Variants in ANKS1B observed in about 807,000 individuals in gnomAD.
ANKS1B encodes the protein ankyrin repeat and sterile alpha motif domain-containing protein 1B.
In ANKS1B, 36 loss-of-function variants were observed where a neutral mutation model predicts 148.3. The observed-to-expected ratio is 0.24, with a 90% CI of 0.19 to 0.32. The LOEUF is 0.32. ANKS1B is among the 10% of genes least tolerant of loss of function. The probability of loss-of-function intolerance (pLI) is 1.00; values close to 1 mark genes in which losing one functional copy is unlikely to be tolerated. For missense variants in ANKS1B, 1,157 were observed against 1,542.6 expected (o/e 0.75, Z 4.19); for synonymous variants, 542 against 560.8 (o/e 0.97, Z 0.47).
At chr12:98,903,035 T>G (rs1229174773) in intron 17 of ANKS1B, among the ~76,000 whole-genome samples, 1 of 152,170 alleles carries the variant, frequency 6.6e-6, no homozygotes, top group Non-Finnish European at 1.5e-5. Context: ...GACAAAATAG[T>G]CTCTCATTTG....
chr12:99,213,518 A>G (rs980933552), intron 14 of ANKS1B, among the ~76,000 whole-genome samples: 4 of 152,176 alleles, frequency 2.6e-5, no homozygotes, highest in Admixed American at 6.5e-5. Flanking sequence ...ACGTGTCTAA[A>G]GCAGATTACC....
chr12:98,850,244 TC>T (rs1167768995), intron 17 of ANKS1B, among the ~76,000 whole-genome samples: 1 of 152,236 alleles, frequency 6.6e-6, no homozygotes, highest in African/African-American at 2.4e-5. Context: ...TTGCCGTACT[TC>T]CTGGTCTATT....
chr12:99,390,771 G>T (rs2094034784), intron 12 of ANKS1B, among the ~76,000 whole-genome samples: 2 of 152,298 alleles, frequency 1.3e-5, no homozygotes, highest in East Asian at 1.9e-4. Context: ...AGACCCAGAG[G>T]TACCTGGAGC....
intron 17 of ANKS1B, among the ~76,000 whole-genome samples, chr12:99,041,770 A>T (rs963132942): frequency 6.6e-6 from 1 of 152,258 alleles, no homozygotes; most frequent in South Asian, 2.1e-4. Flanking sequence ...GGATGCCTAC[A>T]TAGGAGGATC....
intron 8 of ANKS1B, among the ~76,000 whole-genome samples, chr12:99,659,067 A>T (rs536078088): frequency 6.6e-6 from 1 of 152,296 alleles, no homozygotes; most frequent in African/African-American, 2.4e-5. Flanking sequence ...TTGTATCACA[A>T]ATATCAAGAT....
intron 9 of ANKS1B, among the ~76,000 whole-genome samples, chr12:99,569,942 G>C (rs1269553431): frequency 6.6e-6 from 1 of 152,110 alleles, no homozygotes; most frequent in Non-Finnish European, 1.5e-5. Context: ...AGTTTACCAG[G>C]GAACACTATC....
intron 9 of ANKS1B, among the ~76,000 whole-genome samples, chr12:99,561,141 C>A (rs140315578): frequency 6.6e-6 from 1 of 152,088 alleles, no homozygotes; most frequent in South Asian, 2.1e-4. Context: ...CCAGTGCGCC[C>A]GGCCGGCAAT....
intron 17 of ANKS1B, among the ~76,000 whole-genome samples, chr12:98,923,714 A>ACTGG: frequency 6.6e-6 from 1 of 152,136 alleles, no homozygotes; most frequent in East Asian, 1.9e-4. Flanking sequence ...AAAAATAAAG[A>ACTGG]ATTCTCCACC....
intron 15 of ANKS1B, among the ~76,000 whole-genome samples, chr12:99,110,087 A>C (rs948681399): frequency 2.0e-5 from 3 of 152,218 alleles, no homozygotes. Context: ...GGCCCAGAGT[A>C]GATGCCCACA....
At chr12:99,139,760 G>A (rs2069928160) in intron 15 of ANKS1B, among the ~76,000 whole-genome samples, 1 of 151,832 alleles carries the variant, frequency 6.6e-6, no homozygotes, top group Non-Finnish European at 1.5e-5. Context: ...GCTCTTTGTA[G>A]TTTCTACCAC....
intron 14 of ANKS1B, among the ~76,000 whole-genome samples, chr12:99,185,579 G>A (rs192332106): frequency 1.3e-5 from 2 of 152,296 alleles, no homozygotes; most frequent in African/African-American, 4.8e-5. Flanking sequence ...GACAGTGGGT[G>A]CAGCCCATGG....
At chr12:99,890,953 A>G (rs1341360845) in intron 1 of ANKS1B, among the ~76,000 whole-genome samples, 2 of 152,228 alleles carry the variant, frequency 1.3e-5, no homozygotes, top group Admixed American at 1.3e-4. Flanking sequence ...TTAAAAATAC[A>G]GTGCCCACCA....
intron 10 of ANKS1B, among the ~76,000 whole-genome samples, chr12:99,486,631 C>T (rs1383709112): frequency 6.6e-6 from 1 of 152,114 alleles, no homozygotes; most frequent in Non-Finnish European, 1.5e-5. Context: ...AGGTCCCAGC[C>T]TTGACAGAGG....
chr12:99,818,308 T>G (rs1400866015), intron 2 of ANKS1B, among the ~76,000 whole-genome samples: 1 of 151,800 alleles, frequency 6.6e-6, no homozygotes, highest in Non-Finnish European at 1.5e-5. Context: ...CATGAAATAT[T>G]CAGTCATTGA....
chr12:99,472,026 A>G (rs899167110), intron 10 of ANKS1B, among the ~76,000 whole-genome samples: 3 of 152,250 alleles, frequency 2.0e-5, no homozygotes, highest in Admixed American at 6.6e-5. Flanking sequence ...TTTAATTTTT[A>G]CATGGAATGA....
intron 6 of ANKS1B, among the ~76,000 whole-genome samples, chr12:99,778,092 C>T (rs912737313): frequency 2.6e-5 from 4 of 151,634 alleles, no homozygotes; most frequent in Admixed American, 1.3e-4. Flanking sequence ...CCCAGCTACT[C>T]GGGAGGCTGA....
chr12:98,745,496 G>A lies in ANKS1B; in HGVS notation c.*243C>T. 1 of 1,189,838 alleles carries A rather than the reference G, an allele frequency of 8.4e-7. No homozygotes were observed. The highest frequency in any genetic ancestry group is 1.0e-6 in the Non-Finnish European group (1 of 958,018). The allele number at this position is 1,189,838 out of a possible 1,614,324, so 73.7% of individuals were successfully genotyped here. Reference sequence around the variant, plus strand: ...GAGGTGGTGGGGAGGGGAGTCGGGAGCATCAGGGAAAACCCATCTCAACTC... The same window carrying A: ...GAGGTGGTGGGGAGGGGAGTCGGGAACATCAGGGAAAACCCATCTCAACTC... On this transcript the variant is annotated 3_prime_UTR_variant, in exon 27 of 27. Coordinates refer to ENST00000683438, the MANE Select transcript of ANKS1B (RefSeq NM_001352186.2).
At chr12:99,443,921 AT>A in intron 10 of ANKS1B, 112 bp from the exon 11 acceptor site, 1 of 1,236,198 alleles carries the variant, frequency 8.1e-7, no homozygotes, top group Non-Finnish European at 1.1e-6. Context: ...ACTGGTATCA[AT>A]TACAAGATCA....
chr12:99,296,485 G>A (rs1052442666), intron 12 of ANKS1B, among the ~76,000 whole-genome samples: 3 of 151,988 alleles, frequency 2.0e-5, no homozygotes, highest in Non-Finnish European at 2.9e-5. Context: ...GGGATCTTTC[G>A]ATGGCTGGCT....
Sources: allele counts gnomAD v4.1 joint callset (sites outside exome capture counted in the v4.1 genomes callset), GRCh38; gene constraint gnomAD v4.1.1; transcripts MANE v1.5; gene names NCBI Gene and HGNC (gene_info 2026-07-23, HGNC 2026-07-21).